Variants in ASNS observed in about 807,000 individuals in gnomAD.
ASNS encodes the protein asparagine synthetase (glutamine-hydrolyzing).
ASNS carries 37 observed loss-of-function variants against 62.6 expected under a neutral mutation model. The ratio of observed to expected loss-of-function variants is 0.59; its 90% CI spans 0.45 to 0.78. The LOEUF is 0.78. Ranked by LOEUF, ASNS falls within the 30% of genes least tolerant of loss-of-function variation. The probability of loss-of-function intolerance (pLI) is 0.00; values close to 1 mark genes in which losing one functional copy is unlikely to be tolerated. For synonymous variants in ASNS, 207 were observed against 237.9 expected (o/e 0.87, Z 1.19); for missense variants, 520 against 682.4 (o/e 0.76, Z 2.65).
At chr7:97,865,201 A>C (rs147524273) in intron 3 of ASNS, among the ~76,000 whole-genome samples, 112 of 152,370 alleles carry the variant, frequency 7.4e-4, no homozygotes, top group Non-Finnish European at 1.5e-3. Context: ...CCATTAATAC[A>C]GTAAGAAAGT....
At position 97,858,971 on chromosome 7, in the gene ASNS, T is replaced by C. The variant is rs113447333; in HGVS notation, c.674-16A>G. On this transcript the variant is annotated splice_polypyrimidine_tract_variant and intron_variant, in intron 5 of 12. Transcript: ENST00000394308. Reference sequence around the variant, plus strand: ...ATCTCAAAACCTATAAACACAGCAGTAAATCAAACAGCTCCAGAAAATCTT... The same window carrying C: ...ATCTCAAAACCTATAAACACAGCAGCAAATCAAACAGCTCCAGAAAATCTT... 5.0e-6 allele frequency: 8 copies of C among 1,588,562 alleles called. No homozygotes were observed. In the African/African-American group the frequency reaches 8.1e-5, roughly 16 times the overall value.
the ASNS span, among the ~76,000 whole-genome samples, chr7:97,896,741 C>CACACACATATATATATATATATAT: frequency 5.1e-5 from 1 of 19,782 alleles, no homozygotes; most frequent in Non-Finnish European, 1.3e-4. Context: ...CACACACACA[C>CACACACATATATATATATATATAT]ATATATATAT....
chr7:97,895,706 G>A, the ASNS span, among the ~76,000 whole-genome samples: 9 of 152,144 alleles, frequency 5.9e-5, no homozygotes, highest in South Asian at 1.5e-3. Flanking sequence ...CAGGAGAATC[G>A]CTTGAACCCG....
Position 97,859,321 on chromosome 7 carries a change from C to T in ASNS, c.565G>A (p.Asp189Asn). Residue 189 changes from aspartate to asparagine, a missense_variant, in exon 5 of 13, where the codon GAT (aspartate) becomes AAT (asparagine). By Grantham distance (23) the Asp-to-Asn change is conservative (BLOSUM62 1). Transcript: ENST00000394308. ...PFLPGHYEVL[D>N]LKPNGKVASV... ...GCAACTTTGCCATTTGGCTTTAAAT[C>T]CAAAACTTCATAGTGTCCAGGAAGA... The T allele has an allele frequency of 6.2e-7, 1 of 1,614,098 alleles. No individual in the cohort carries two copies. Among genetic ancestry groups the T allele is most frequent in the South Asian group, 1.1e-5 (1 of 91,078 alleles).
intron 4 of ASNS, among the ~76,000 whole-genome samples, chr7:97,860,205 G>C (rs967015618): frequency 6.6e-6 from 1 of 152,154 alleles, no homozygotes; most frequent in African/African-American, 2.4e-5. Context: ...TAGGGAATGG[G>C]GAGTAATTAA....
the ASNS span, among the ~76,000 whole-genome samples, chr7:97,894,257 A>G: frequency 8.5e-5 from 13 of 152,082 alleles, no homozygotes; most frequent in African/African-American, 3.1e-4. Flanking sequence ...AAATGCCTAC[A>G]CCAAAAAAGT....
chr7:97,876,146 C>T (rs7784046), upstream of ASNS, among the ~76,000 whole-genome samples: 77,616 of 151,918 alleles, frequency 0.51, 20,528 homozygotes, highest in African/African-American at 0.66. Flanking sequence ...CATGAGCCGC[C>T]GCACCCGGCC....
intron 9 of ASNS, chr7:97,854,945 G>T: frequency 6.6e-6 from 3 of 457,706 alleles, no homozygotes; most frequent in South Asian, 3.4e-5. Context: ...GGATTCTCAA[G>T]CTTAAGTAGT....
chr7:97,862,309 CAGA>C (rs1278919672), intron 4 of ASNS, among the ~76,000 whole-genome samples: 3 of 151,944 alleles, frequency 2.0e-5, no homozygotes, highest in Non-Finnish European at 2.9e-5. Context: ...TGAAAAAACA[CAGA>C]AGAACTATAA....
rs577449857 is a variant in ASNS, at chr7:97,867,837, T to C, written c.249+1071A>G. On this transcript the variant is annotated intron_variant, in intron 3 of 12. Transcript: ENST00000394308. Reference sequence around the variant, plus strand: ...AACTTTTTAAATGAGAAGACTATTATTAAGAGTCTTCCTATGAGCAGGCAA... The same window carrying C: ...AACTTTTTAAATGAGAAGACTATTACTAAGAGTCTTCCTATGAGCAGGCAA... Among the ~76,000 whole-genome samples the C allele has an allele frequency of 2.2e-3, 335 of 152,334 alleles. 1 individual carries two copies. The highest frequency in any genetic ancestry group is 2.7e-3 in the Non-Finnish European group (181 of 68,040).
intron 1 of ASNS, among the ~76,000 whole-genome samples, chr7:97,871,116 A>G (rs1286617194): frequency 6.6e-6 from 1 of 152,232 alleles, no homozygotes; most frequent in Admixed American, 6.5e-5. Context: ...AAAAGGTGAA[A>G]TTAATTTTAA....
intron 9 of ASNS, chr7:97,855,110 TG>T: frequency 2.3e-6 from 1 of 432,264 alleles, no homozygotes. Context: ...CCTCAGCAGC[TG>T]GGGGTATGAG....
upstream of ASNS, among the ~76,000 whole-genome samples, chr7:97,873,358 G>C (rs1232734288): frequency 6.6e-6 from 1 of 152,218 alleles, no homozygotes; most frequent in Non-Finnish European, 1.5e-5. Flanking sequence ...TCAGACTACA[G>C]TCAATGCTTG....
chr7:97,876,969 T>G (rs1792452036), upstream of ASNS, among the ~76,000 whole-genome samples: 1 of 152,196 alleles, frequency 6.6e-6, no homozygotes, highest in African/African-American at 2.4e-5. Flanking sequence ...ATCACTTTCC[T>G]GAGCCTCAGA....
chr7:97,879,771 G>A, the ASNS span, among the ~76,000 whole-genome samples: 5 of 152,318 alleles, frequency 3.3e-5, no homozygotes, highest in South Asian at 2.1e-4. Context: ...CAGAAACCAC[G>A]TAGTGATAAC....
At chr7:97,923,972 CAAG>C in the ASNS span, among the ~76,000 whole-genome samples, 2 of 152,142 alleles carry the variant, frequency 1.3e-5, no homozygotes, top group African/African-American at 4.8e-5. Context: ...CCAGAGGCCA[CAAG>C]AAGAAAAATG....
At chr7:97,883,235 T>C in the ASNS span, among the ~76,000 whole-genome samples, 1 of 152,140 alleles carries the variant, frequency 6.6e-6, no homozygotes, top group Admixed American at 6.5e-5. Flanking sequence ...TTCATATGTC[T>C]AGGGCATAGG....
At chr7:97,866,284 T>C (rs1242775578) in intron 3 of ASNS, among the ~76,000 whole-genome samples, 1 of 152,166 alleles carries the variant, frequency 6.6e-6, no homozygotes, top group African/African-American at 2.4e-5. Flanking sequence ...CAATAACAGA[T>C]ACATGATCCA....
the ASNS span, among the ~76,000 whole-genome samples, chr7:97,921,592 G>A: frequency 6.6e-6 from 1 of 152,288 alleles, no homozygotes; most frequent in East Asian, 1.9e-4. Flanking sequence ...AGGAGGAATG[G>A]AGAAGGCAAG....
Sources: allele counts gnomAD v4.1 joint callset (sites outside exome capture counted in the v4.1 genomes callset), GRCh38; gene constraint gnomAD v4.1.1; transcripts MANE v1.5; gene names NCBI Gene and HGNC (gene_info 2026-07-23, HGNC 2026-07-21).